The following NDST4 variants were observed in gnomAD, a reference collection of about 807,000 sequenced individuals.
NDST4 encodes N-deacetylase and N-sulfotransferase 4.
In NDST4, 63 loss-of-function variants were observed where a neutral mutation model predicts 100.8. The ratio of observed to expected loss-of-function variants is 0.62; its 90% CI spans 0.51 to 0.77. The LOEUF (loss-of-function observed/expected upper bound fraction) is 0.77, where lower values mean the gene tolerates loss of function less well. Ranked by LOEUF, NDST4 falls within the 30% of genes least tolerant of loss-of-function variation. The pLI, the probability that NDST4 is intolerant of heterozygous loss-of-function variation, is 0.00. For synonymous variants in NDST4, 377 were observed against 361.8 expected (o/e 1.04, Z -0.48); for missense variants, 943 against 1,018.4 (o/e 0.93, Z 1.01).
At position 115,014,600 on chromosome 4, in the gene NDST4, G is replaced by C. The variant is rs578058470; in HGVS notation, c.979-37326C>G. Among the ~76,000 whole-genome samples the C allele has an allele frequency of 4.0e-4, 61 of 152,156 alleles. 2 individuals are homozygous for C. The South Asian group carries it at 0.012, about 31-fold the overall frequency. On this transcript the variant is annotated intron_variant, in intron 2 of 13. Transcript: ENST00000264363. ...GTTCAGAACAGAAAAAGGCTCTGCAGTAAGTCCAGGCTACTGTGCAAGCTG... is the reference window on the plus strand; with the variant it reads ...GTTCAGAACAGAAAAAGGCTCTGCACTAAGTCCAGGCTACTGTGCAAGCTG...
At chr4:114,918,437 A>T (rs1019035973) in intron 6 of NDST4, among the ~76,000 whole-genome samples, 3 of 151,152 alleles carry the variant, frequency 2.0e-5, no homozygotes, top group Admixed American at 6.6e-5. Flanking sequence ...GATATACCTA[A>T]TGCTAGATGA....
intron 4 of NDST4, among the ~76,000 whole-genome samples, chr4:114,948,348 ATAAT>A (rs1725915358): frequency 6.6e-6 from 1 of 151,728 alleles, no homozygotes; most frequent in Admixed American, 6.6e-5. Flanking sequence ...CTTACTTAAA[ATAAT>A]GATTGTTTGC....
chr4:115,095,444 C>G (rs1460851728), intron 1 of NDST4, among the ~76,000 whole-genome samples: 1 of 152,098 alleles, frequency 6.6e-6, no homozygotes, highest in East Asian at 1.9e-4. Context: ...TCAGAGCTCT[C>G]TGGTATATGT....
At chr4:115,096,633 C>T (rs1391765222) in intron 1 of NDST4, among the ~76,000 whole-genome samples, 1 of 152,066 alleles carries the variant, frequency 6.6e-6, no homozygotes, top group East Asian at 1.9e-4. Flanking sequence ...TGCATTATCA[C>T]TTACTCACTG....
chr4:115,054,682 C>T (rs1234457905), intron 2 of NDST4, among the ~76,000 whole-genome samples: 1 of 152,120 alleles, frequency 6.6e-6, no homozygotes, highest in African/African-American at 2.4e-5. Flanking sequence ...CTTTGTAGAC[C>T]ATTCCAGAGG....
chr4:114,858,001 C>T (rs926380496), intron 7 of NDST4, among the ~76,000 whole-genome samples: 1 of 152,100 alleles, frequency 6.6e-6, no homozygotes, highest in South Asian at 2.1e-4. Context: ...TACAACATTC[C>T]TACGTGTTGC....
At chr4:115,026,603 G>A (rs942486769) in intron 2 of NDST4, among the ~76,000 whole-genome samples, 7 of 151,590 alleles carry the variant, frequency 4.6e-5, no homozygotes, top group African/African-American at 1.7e-4. Flanking sequence ...CCAGTTCCCT[G>A]GTGCCAGCAG....
intron 2 of NDST4, among the ~76,000 whole-genome samples, chr4:115,019,164 A>G (rs1727752895): frequency 6.6e-6 from 1 of 152,050 alleles, no homozygotes; most frequent in Admixed American, 6.6e-5. Flanking sequence ...AATGTGTTTT[A>G]ATACATATTG....
intron 4 of NDST4, among the ~76,000 whole-genome samples, chr4:114,962,135 C>T (rs972742442): frequency 1.3e-5 from 2 of 152,002 alleles, no homozygotes; most frequent in African/African-American, 4.8e-5. Context: ...CATGCAGATA[C>T]ATACAGAAAC....
intron 1 of NDST4, among the ~76,000 whole-genome samples, chr4:115,104,330 C>G (rs181398291): frequency 2.5e-4 from 38 of 152,170 alleles, no homozygotes; most frequent in Admixed American, 2.0e-3. Flanking sequence ...GAGAAGGAGA[C>G]AGATGGTGGC....
In NDST4 at chr4:114,993,716, C is replaced by T. The variant is rs533752929; in HGVS notation, c.979-16442G>A. 1.1e-4 allele frequency among the ~76,000 whole-genome samples: 16 copies of T among 151,968 alleles called. No homozygotes were observed. The East Asian group carries it at 1.5e-3, about 15-fold the overall frequency. ...CTGTGCATTCATAAAGTCTATCTTC[C>T]GCTAATCAACTGTCTAAAAAAGTTC... On this transcript the variant is annotated intron_variant, in intron 2 of 13. Transcript: ENST00000264363.
intron 4 of NDST4, among the ~76,000 whole-genome samples, chr4:114,968,374 C>T (rs1266312699): frequency 6.6e-6 from 1 of 152,114 alleles, no homozygotes; most frequent in East Asian, 1.9e-4. Flanking sequence ...ATTGTATGTC[C>T]CACTGGGTGA....
In NDST4 at chr4:115,076,090, T is replaced by C; in HGVS notation, c.947A>G (p.Glu316Gly). The C allele has an allele frequency of 6.2e-7, 1 of 1,612,788 alleles. No homozygotes were observed. The change falls in exon 2 of 14, where the codon GAG (glutamate) becomes GGG (glycine). Residue 316 changes from glutamate (E) to glycine (G), a missense_variant. Physicochemically the swap from Glu to Gly is moderately conservative, Grantham distance 98. This residue lies in a region of NDST4 where 417 missense variants were observed against 384.2 expected (regional missense o/e 1.09). Transcript: ENST00000264363. ...ATCTTTGACATTCATCCTTGTTCCC[T>C]CTTTCCCAACAAATATATCATCAAT... ...VDIDDIFVGKEGTRMNVKDVK... is the reference protein window; with the variant it reads ...VDIDDIFVGKGGTRMNVKDVK...
intron 2 of NDST4, among the ~76,000 whole-genome samples, chr4:115,032,273 G>A (rs948057759): frequency 3.3e-5 from 5 of 152,072 alleles, no homozygotes; most frequent in Middle Eastern, 3.4e-3. Flanking sequence ...CCGAAAAACG[G>A]TAATAGTCAG....
chr4:114,954,485 T>C (rs1726091941), intron 4 of NDST4, among the ~76,000 whole-genome samples: 1 of 152,034 alleles, frequency 6.6e-6, no homozygotes, highest in African/African-American at 2.4e-5. Flanking sequence ...ATAAAAATGA[T>C]CTCATCCTTT....
chr4:114,988,012 C>T (rs1726950048), intron 2 of NDST4, among the ~76,000 whole-genome samples: 2 of 152,126 alleles, frequency 1.3e-5, no homozygotes, highest in Non-Finnish European at 2.9e-5. Flanking sequence ...CACATTAACT[C>T]TCTGCAAGTG....
chr4:114,850,952 C>T lies in NDST4; in HGVS notation c.1816+1773G>A, dbSNP rs573663458. Among the ~76,000 whole-genome samples the T allele has an allele frequency of 6.6e-5, 10 of 152,320 alleles. No homozygotes were observed. The South Asian group carries it at 1.9e-3, about 28-fold the overall frequency. On this transcript the variant is annotated intron_variant, in intron 8 of 13. Transcript: ENST00000264363. ...CTATGTCCATCATCTCTGCCTATTT[C>T]TCTTCTCCCCTTCCTCATTCCCTGA...
intron 10 of NDST4, among the ~76,000 whole-genome samples, chr4:114,845,119 C>CG (rs1227151724): frequency 1.3e-5 from 2 of 151,952 alleles, no homozygotes; most frequent in Non-Finnish European, 2.9e-5. Flanking sequence ...TGCTCGAGCC[C>CG]GGGAGTTCAA....
intron 2 of NDST4, among the ~76,000 whole-genome samples, chr4:114,985,023 C>T (rs967599594): frequency 1.2e-4 from 18 of 152,030 alleles, no homozygotes; most frequent in African/African-American, 3.1e-4. Flanking sequence ...AAGTTTTCTA[C>T]GTAATATCAT....
Sources: gnomAD v4.1 joint callset for allele counts (sites outside exome capture counted in the v4.1 genomes callset) on GRCh38, gnomAD v4.1.1 for gene constraint, gnomAD v4.1.1 regional missense constraint, MANE v1.5 for transcripts, NCBI Gene and HGNC (gene_info 2026-07-23, HGNC 2026-07-21) for gene names.